Variants in TFDP2 observed in about 807,000 individuals in gnomAD.
TFDP2 encodes transcription factor Dp-2.
Under a neutral mutation model 59.3 loss-of-function variants are expected in TFDP2, and 17 were observed. The observed-to-expected ratio is 0.29, with a 90% confidence interval of 0.20 to 0.43. TFDP2 has a LOEUF of 0.43. Among genes scored for constraint, TFDP2 ranks in the 20% least tolerant of loss-of-function variants. TFDP2 has a pLI of 1.00. For synonymous variants in TFDP2, 180 were observed against 194.7 expected, an observed-to-expected ratio of 0.92 and a Z score of 0.63; for missense variants, 391 against 528.8, an observed-to-expected ratio of 0.74 and a Z score of 2.56.
chr3:142,109,938 C>A (rs1264156386), intron 1 of TFDP2, among the ~76,000 whole-genome samples: 2 of 152,082 alleles, frequency 1.3e-5, no homozygotes, highest in African/African-American at 2.4e-5. Context: ...AGTGCAGTGG[C>A]ATGATCTCAA....
intron 3 of TFDP2, among the ~76,000 whole-genome samples, chr3:142,025,761 T>C (rs1365448662): frequency 1.3e-5 from 2 of 152,176 alleles, no homozygotes; most frequent in Non-Finnish European, 1.5e-5. Flanking sequence ...AAAATGTACA[T>C]AGATAAGTTT....
At chr3:142,091,232 T>C (rs757741957) in intron 3 of TFDP2, among the ~76,000 whole-genome samples, 43 of 152,212 alleles carry the variant, frequency 2.8e-4, no homozygotes, top group Admixed American at 1.3e-3. Context: ...TGTTGTCATG[T>C]GGGAAAAAAA....
At chr3:141,995,300 A>G (rs1247675042) in intron 4 of TFDP2, 159 bp from the exon 5 acceptor site, 3 of 479,216 alleles carry the variant, frequency 6.3e-6, no homozygotes, top group Non-Finnish European at 1.0e-5. Context: ...CCTTTGATTT[A>G]CTTATATCCT....
At chr3:142,045,864 C>T (rs962517698) in intron 3 of TFDP2, among the ~76,000 whole-genome samples, 1 of 151,776 alleles carries the variant, frequency 6.6e-6, no homozygotes, top group Non-Finnish European at 1.5e-5. Flanking sequence ...CTCAAGTGAT[C>T]CGCCCACCTT....
intron 3 of TFDP2, among the ~76,000 whole-genome samples, chr3:142,076,584 C>T (rs758321480): frequency 1.1e-4 from 17 of 152,066 alleles, no homozygotes; most frequent in South Asian, 2.1e-4. Flanking sequence ...TTATTGCAAA[C>T]GATCTTCCCT....
chr3:141,983,838 T>G (rs1054279439), intron 6 of TFDP2, among the ~76,000 whole-genome samples: 1 of 152,020 alleles, frequency 6.6e-6, no homozygotes, highest in Non-Finnish European at 1.5e-5. Context: ...GTAGAGAAAC[T>G]GCACCCATTA....
At chr3:142,127,028 T>C (rs1246133885) in intron 1 of TFDP2, among the ~76,000 whole-genome samples, 2 of 149,516 alleles carry the variant, frequency 1.3e-5, no homozygotes, top group African/African-American at 4.9e-5. Context: ...ATATGTTATA[T>C]ATACAGATAT....
At chr3:142,019,763 GTTAGCCA>G (rs1945450135) in intron 3 of TFDP2, among the ~76,000 whole-genome samples, 1 of 151,660 alleles carries the variant, frequency 6.6e-6, no homozygotes, top group Non-Finnish European at 1.5e-5. Flanking sequence ...TTCCCCCTGA[GTTAGCCA>G]CTTTTAATGA....
At chr3:142,013,115 G>A (rs968917900) in intron 3 of TFDP2, among the ~76,000 whole-genome samples, 1 of 152,046 alleles carries the variant, frequency 6.6e-6, no homozygotes, top group Non-Finnish European at 1.5e-5. Context: ...TCCAGCCTGG[G>A]TGACAGAGCG....
intron 3 of TFDP2, among the ~76,000 whole-genome samples, chr3:142,042,832 C>T (rs1213453153): frequency 1.3e-5 from 2 of 148,566 alleles, no homozygotes; most frequent in East Asian, 4.0e-4. Context: ...CTCTGCCTCC[C>T]GGGTTCAAGC....
At chr3:142,069,449 T>C (rs1199395257) in intron 3 of TFDP2, among the ~76,000 whole-genome samples, 3 of 152,192 alleles carry the variant, frequency 2.0e-5, no homozygotes, top group African/African-American at 7.2e-5. Context: ...ATTCCTAGAA[T>C]TGAGACTGCT....
At chr3:141,957,182 C>T (rs573343579) in intron 11 of TFDP2, among the ~76,000 whole-genome samples, 23 of 151,624 alleles carry the variant, frequency 1.5e-4, no homozygotes, top group Middle Eastern at 3.4e-3. Context: ...CCGGGCATAG[C>T]GGCAAGGTGC....
intron 9 of TFDP2, among the ~76,000 whole-genome samples, chr3:141,968,166 C>T (rs923463403): frequency 1.4e-5 from 2 of 142,434 alleles, no homozygotes; most frequent in Non-Finnish European, 3.0e-5. Context: ...CAGGCAGGAG[C>T]ATAGGAATAA....
intron 3 of TFDP2, among the ~76,000 whole-genome samples, chr3:142,042,630 C>CTTTTTTTTTTTTTT (rs66981475): frequency 5.7e-4 from 62 of 108,082 alleles, no homozygotes; most frequent in Middle Eastern, 5.3e-3. Flanking sequence ...CTTTTCTTTT[C>CTTTTTTTTTTTTTT]TTTTTTTTTT....
intron 3 of TFDP2, among the ~76,000 whole-genome samples, chr3:142,024,348 TGACAGGTTCC>T (rs1227837230): frequency 6.6e-6 from 1 of 152,190 alleles, no homozygotes; most frequent in Non-Finnish European, 1.5e-5. Flanking sequence ...CATAATTACA[TGACAGGTTCC>T]TGGATCAGTT....
rs1341231947 is a variant in TFDP2 at position 142,065,593 on chromosome 3, C to T, written c.82+27468G>A. Among the ~76,000 whole-genome samples, 3 of 151,902 alleles carry T rather than the reference C, an allele frequency of 2.0e-5. No individual in the cohort carries two copies. The East Asian group carries it at 5.8e-4, about 29-fold the overall frequency. ...GTGGCGCAATCTCGGCTCACTGCAA[C>T]CTCTGCCTCCCAGGTTCAAGTGATG... On this transcript the variant is annotated intron_variant, in intron 3 of 12. Transcript: ENST00000489671.
chr3:141,979,914 G>T (rs1263267673), intron 6 of TFDP2, among the ~76,000 whole-genome samples: 1 of 144,968 alleles, frequency 6.9e-6, no homozygotes, highest in African/African-American at 2.5e-5. Flanking sequence ...CTGTTTTTGG[G>T]TTTTTTTTTT....
intron 3 of TFDP2, among the ~76,000 whole-genome samples, chr3:142,070,077 T>C (rs1248321992): frequency 1.3e-5 from 2 of 149,852 alleles, no homozygotes; most frequent in Non-Finnish European, 3.0e-5. Flanking sequence ...AGCTAATTTT[T>C]TGTATTTTTA....
At chr3:142,002,572 T>A (rs115940956) in intron 4 of TFDP2, among the ~76,000 whole-genome samples, 3,508 of 152,228 alleles carry the variant, frequency 0.023, 58 homozygotes, top group Non-Finnish European at 0.035. Flanking sequence ...GTGCCAACAT[T>A]CTGTTCATGA....
Sources: gnomAD v4.1 joint callset for allele counts (sites outside exome capture counted in the v4.1 genomes callset) on GRCh38, gnomAD v4.1.1 for gene constraint, MANE v1.5 for transcripts, NCBI Gene and HGNC (gene_info 2026-07-23, HGNC 2026-07-21) for gene names.